Variants in MYO6 observed in about 807,000 individuals in gnomAD.
MYO6 encodes the protein unconventional myosin-VI.
MYO6 carries 74 observed loss-of-function variants against 178.7 expected under a neutral mutation model. That is an observed-to-expected ratio of 0.41 (90% confidence interval 0.34 to 0.50). MYO6 has a LOEUF of 0.50. MYO6 is among the 20% of genes least tolerant of loss of function. The probability of loss-of-function intolerance (pLI) is 0.09; values close to 1 mark genes in which losing one functional copy is unlikely to be tolerated. For synonymous variants in MYO6, 477 were observed against 504.6 expected (o/e 0.95, Z 0.73); for missense variants, 1,330 against 1,547.4 (o/e 0.86, Z 2.36).
chr6:75,820,228 A>G (rs903907935), intron 2 of MYO6, among the ~76,000 whole-genome samples: 12 of 151,968 alleles, frequency 7.9e-5, no homozygotes, highest in Non-Finnish European at 1.8e-4. Flanking sequence ...TCTCCCCTTC[A>G]TACTCTTACT....
At chr6:75,797,876 A>G (rs1463754702) in intron 1 of MYO6, among the ~76,000 whole-genome samples, 1 of 152,168 alleles carries the variant, frequency 6.6e-6, no homozygotes, top group Non-Finnish European at 1.5e-5. Flanking sequence ...ACTGCTTTCC[A>G]TAGTGGTTGA....
At chr6:75,756,989 TATACACACATATATA>T in intron 1 of MYO6, among the ~76,000 whole-genome samples, 1 of 138,228 alleles carries the variant, frequency 7.2e-6, no homozygotes, top group Non-Finnish European at 1.6e-5. Context: ...TGTATATATG[TATACACACATATATA>T]GTGTGTATAT....
chr6:75,761,867 G>A (rs1777981809), intron 1 of MYO6, among the ~76,000 whole-genome samples: 1 of 151,994 alleles, frequency 6.6e-6, no homozygotes, highest in Admixed American at 6.5e-5. Context: ...CGGGGTGGCA[G>A]TATATTGTAA....
chr6:75,844,775 C>T (rs184137503), intron 9 of MYO6, 122 bp from the exon 10 acceptor site: 2 of 732,346 alleles, frequency 2.7e-6, no homozygotes, highest in East Asian at 5.1e-5. Flanking sequence ...TGAGATTATA[C>T]AGTACTCAAG....
At chr6:75,862,943 C>T (rs1187119900) in intron 16 of MYO6, among the ~76,000 whole-genome samples, 1 of 152,072 alleles carries the variant, frequency 6.6e-6, no homozygotes, top group East Asian at 1.9e-4. Flanking sequence ...GTACATTTCA[C>T]CTGTCTAATA....
intron 30 of MYO6, among the ~76,000 whole-genome samples, chr6:75,902,694 T>G (rs2149399398): frequency 6.6e-6 from 1 of 152,072 alleles, no homozygotes; most frequent in South Asian, 2.1e-4. Flanking sequence ...ATTCATTAAT[T>G]TTTTGAAGGG....
At chr6:75,912,347 T>G (rs553712127) in intron 33 of MYO6, among the ~76,000 whole-genome samples, 2 of 152,168 alleles carry the variant, frequency 1.3e-5, no homozygotes, top group South Asian at 4.1e-4. Flanking sequence ...TTTGAAGTGC[T>G]TCTTATAATT....
chr6:75,819,216 G>A (rs1771606313), intron 2 of MYO6, among the ~76,000 whole-genome samples: 1 of 152,102 alleles, frequency 6.6e-6, no homozygotes, highest in South Asian at 2.1e-4. Flanking sequence ...TAAAGTGTAC[G>A]TTTTTTCCAC....
chr6:75,855,397 C>T (rs1340156417), intron 12 of MYO6, 114 bp downstream of exon 12: 2 of 981,342 alleles, frequency 2.0e-6, no homozygotes, highest in African/African-American at 1.6e-5. Context: ...TTCTCTACAT[C>T]TCAGTGTAGT....
chr6:75,871,615 T>G lies in MYO6; in HGVS notation c.1983+930T>G, dbSNP rs549239824. Among the ~76,000 whole-genome samples, 40 of 152,338 alleles carry G rather than the reference T, an allele frequency of 2.6e-4. 1 individual carries two copies. The highest frequency in any genetic ancestry group is 1.6e-3 in the Admixed American group (25 of 15,296). Reference sequence around the variant, plus strand: ...CTAGACATTTATTATATCAGTATTATTGTTGCTTAACTTACTGTTAGATTA... The same window carrying G: ...CTAGACATTTATTATATCAGTATTAGTGTTGCTTAACTTACTGTTAGATTA... On this transcript the variant is annotated intron_variant, in intron 19 of 34. Coordinates refer to ENST00000369977, the MANE Select transcript of MYO6 (RefSeq NM_004999.4).
At chr6:75,820,169 A>C (rs923425492) in intron 2 of MYO6, among the ~76,000 whole-genome samples, 1 of 152,286 alleles carries the variant, frequency 6.6e-6, no homozygotes, top group East Asian at 1.9e-4. Flanking sequence ...AAGGGTCTGC[A>C]TTTTCTTTTC....
intron 1 of MYO6, among the ~76,000 whole-genome samples, chr6:75,753,553 C>A (rs552938781): frequency 6.6e-6 from 1 of 151,320 alleles, no homozygotes; most frequent in South Asian, 2.1e-4. Context: ...CCTCCATCTC[C>A]CAGGCTCAAG....
chr6:75,866,618 AACAGTGAGTATAACTTTT>A lies in MYO6; in HGVS notation c.1770+1_1770+18del. ...ATTTTGCGGGGGCAGTGTGCTATGA[AACAGTGAGTATAACTTTT>A]ACAAGGAGAAAACCATTTCATGTTG... On this transcript the variant is annotated splice_donor_variant and splice_donor_5th_base_variant and coding_sequence_variant and intron_variant, in exon 17 of 35. Transcript: ENST00000369977. LOFTEE classifies it high-confidence loss of function. The A allele has an allele frequency of 6.2e-7, 1 of 1,612,070 alleles. No homozygotes were observed.
At chr6:75,867,232 G>A (rs527329974) in intron 18 of MYO6, 127 bp downstream of exon 18, 20 of 724,526 alleles carry the variant, frequency 2.8e-5, no homozygotes, top group African/African-American at 2.0e-4. Context: ...ACCCTGCATT[G>A]TTGATATTTG....
Position 75,915,199 on chromosome 6 carries a change from T to A in MYO6, c.*187T>A. The A allele has an allele frequency of 1.6e-6, 1 of 633,906 alleles. No individual in the cohort carries two copies. Among genetic ancestry groups the A allele is most frequent in the South Asian group, 1.9e-5 (1 of 52,180 alleles). The allele number at this position is 633,906 out of a possible 1,614,324, so 39.3% of individuals were successfully genotyped here. ...TGGTAGCAAATTTTGGACCTAAACA[T>A]TATTTTTCTGTATCCCGCTGTAATT... On this transcript the variant is annotated 3_prime_UTR_variant, in exon 35 of 35. Transcript: ENST00000369977.
At chr6:75,789,471 C>T (rs780246553) in intron 1 of MYO6, among the ~76,000 whole-genome samples, 17 of 152,056 alleles carry the variant, frequency 1.1e-4, no homozygotes, top group Non-Finnish European at 1.9e-4. Flanking sequence ...TGAATTATAC[C>T]GTATTATAAT....
chr6:75,789,726 C>T (rs892146719), intron 1 of MYO6, among the ~76,000 whole-genome samples: 2 of 152,104 alleles, frequency 1.3e-5, no homozygotes, highest in South Asian at 2.1e-4. Context: ...CTGCTTTAAA[C>T]GTGTCATTTC....
chr6:75,876,002 C>G (rs1040468713), intron 20 of MYO6, among the ~76,000 whole-genome samples: 2 of 152,206 alleles, frequency 1.3e-5, no homozygotes, highest in Non-Finnish European at 2.9e-5. Context: ...CCTCCCTTCT[C>G]TCCTTCAGTC....
intron 15 of MYO6, 88 bp from the exon 16 acceptor site, chr6:75,862,508 C>T (rs1393585062): frequency 8.2e-7 from 1 of 1,219,964 alleles, no homozygotes; most frequent in Admixed American, 1.9e-5. Flanking sequence ...CTGATCAGTC[C>T]TTGAAATCTG....
Sources: allele counts gnomAD v4.1 joint callset (sites outside exome capture counted in the v4.1 genomes callset), GRCh38; gene constraint gnomAD v4.1.1; transcripts MANE v1.5; gene names NCBI Gene and HGNC (gene_info 2026-07-23, HGNC 2026-07-21).